Variants in COL24A1 observed in about 807,000 individuals in gnomAD.
COL24A1 encodes the protein collagen type XXIV alpha 1 chain.
A neutral mutation model predicts 253.9 loss-of-function variants in COL24A1; 224 were observed. The ratio of observed to expected loss-of-function variants is 0.88; its 90% confidence interval spans 0.79 to 0.99. COL24A1 has a LOEUF of 0.99. COL24A1 is among the 50% of genes least tolerant of loss of function. COL24A1 has a pLI of 0.00. For missense variants in COL24A1, 2,131 were observed against 2,068.5 expected (o/e 1.03, Z -0.59); for synonymous variants, 685 against 673.7 (o/e 1.02, Z -0.26).
intron 24 of COL24A1, among the ~76,000 whole-genome samples, chr1:85,916,719 A>AT: frequency 6.6e-6 from 1 of 152,290 alleles, no homozygotes; most frequent in Non-Finnish European, 1.5e-5. Flanking sequence ...TAACCAAAAC[A>AT]TATGTCAAAT....
At chr1:85,947,341 T>G (rs947853862) in intron 24 of COL24A1, among the ~76,000 whole-genome samples, 4 of 152,180 alleles carry the variant, frequency 2.6e-5, no homozygotes, top group African/African-American at 9.7e-5. Context: ...TGAACCCCCA[T>G]TTACAATCTA....
chr1:86,046,889 A>G lies in COL24A1; in HGVS notation c.1906-20T>C. 1 of 1,338,350 alleles carries G rather than the reference A, an allele frequency of 7.5e-7. No homozygotes were observed. 82.9% of individuals were successfully genotyped at this position (1,338,350 alleles called of 1,614,324 possible). On this transcript the variant is annotated intron_variant, in intron 11 of 59. Transcript: ENST00000370571. ...AATGCCCTAGAATATAGAAAAGAAAAAGGAAATATTTGTTGAATGAATGAA... is the reference window on the plus strand; with the variant it reads ...AATGCCCTAGAATATAGAAAAGAAAGAGGAAATATTTGTTGAATGAATGAA...
At chr1:85,899,059 T>TTTTAA (rs1305425763) in intron 28 of COL24A1, among the ~76,000 whole-genome samples, 3 of 152,138 alleles carry the variant, frequency 2.0e-5, no homozygotes, top group Non-Finnish European at 4.4e-5. Context: ...ATGACTCAAG[T>TTTTAA]TTTAAGCATG....
At chr1:85,866,460 T>C (rs1044397621) in intron 37 of COL24A1, among the ~76,000 whole-genome samples, 3 of 152,002 alleles carry the variant, frequency 2.0e-5, no homozygotes, top group African/African-American at 7.2e-5. Flanking sequence ...TTGTTTAATG[T>C]TTGGACTAAT....
intron 5 of COL24A1, among the ~76,000 whole-genome samples, chr1:86,104,803 C>G (rs186643893): frequency 6.6e-6 from 1 of 152,344 alleles, no homozygotes; most frequent in African/African-American, 2.4e-5. Flanking sequence ...ATGGGTAGTG[C>G]TAGCCAAAGT....
chr1:86,089,545 C>G (rs1703329891), intron 6 of COL24A1, among the ~76,000 whole-genome samples: 1 of 152,160 alleles, frequency 6.6e-6, no homozygotes. Context: ...TAGGGCTGGG[C>G]GCGGTGGCCC....
At chr1:86,062,802 T>C (rs1254445510) in intron 8 of COL24A1, among the ~76,000 whole-genome samples, 1 of 152,130 alleles carries the variant, frequency 6.6e-6, no homozygotes, top group Non-Finnish European at 1.5e-5. Flanking sequence ...CCATGTCTAG[T>C]AATTAGCAAT....
chr1:86,050,046 A>T, intron 11 of COL24A1, 78 bp downstream of exon 11: 1 of 1,247,564 alleles, frequency 8.0e-7, no homozygotes. Flanking sequence ...CTTCCCTGAC[A>T]TCTGATTTTA....
At chr1:86,046,800 C>A (rs1434801769) in intron 12 of COL24A1, 25 bp downstream of exon 12, 3 of 1,610,682 alleles carry the variant, frequency 1.9e-6, no homozygotes, top group African/African-American at 2.7e-5. Context: ...GTAAAATAAA[C>A]CTCAAAAAAC....
intron 5 of COL24A1, among the ~76,000 whole-genome samples, chr1:86,104,052 C>T (rs908255853): frequency 6.6e-6 from 1 of 152,148 alleles, no homozygotes; most frequent in African/African-American, 2.4e-5. Context: ...TTTACATGAT[C>T]CCCTATTTCT....
At chr1:85,841,027 A>G (rs1365613887) in intron 42 of COL24A1, among the ~76,000 whole-genome samples, 195 bp downstream of exon 42, 1 of 152,204 alleles carries the variant, frequency 6.6e-6, no homozygotes, top group East Asian at 1.9e-4. Context: ...ATGCTAAAAT[A>G]TGACCTGCAT....
chr1:86,096,798 ATTGT>A (rs759625743), intron 5 of COL24A1, among the ~76,000 whole-genome samples: 2 of 152,250 alleles, frequency 1.3e-5, no homozygotes, highest in Middle Eastern at 3.4e-3. Flanking sequence ...AACTTCTTTC[ATTGT>A]TTGGTCTTTT....
At chr1:85,978,486 A>G in intron 20 of COL24A1, among the ~76,000 whole-genome samples, 1 of 152,168 alleles carries the variant, frequency 6.6e-6, no homozygotes. Context: ...CTCACCTAAC[A>G]CATAAGGACT....
chr1:85,909,900 C>T, intron 26 of COL24A1, 50 bp downstream of exon 26: 1 of 1,481,280 alleles, frequency 6.8e-7, no homozygotes, highest in Non-Finnish European at 9.4e-7. Context: ...GAACGACTTG[C>T]TTTTATTGCA....
chr1:85,925,454 G>C (rs1214670641), intron 24 of COL24A1, among the ~76,000 whole-genome samples: 1 of 152,028 alleles, frequency 6.6e-6, no homozygotes, highest in East Asian at 1.9e-4. Context: ...AAAACAGCAT[G>C]GTACTGTTAC....
chr1:85,837,118 G>A (rs558161455), intron 43 of COL24A1, among the ~76,000 whole-genome samples: 4 of 152,118 alleles, frequency 2.6e-5, no homozygotes, highest in Admixed American at 6.5e-5. Context: ...GGAAGCAGTT[G>A]GGTTGGCTTC....
At chr1:85,943,003 G>T (rs1688894579) in intron 24 of COL24A1, among the ~76,000 whole-genome samples, 1 of 152,170 alleles carries the variant, frequency 6.6e-6, no homozygotes, top group Non-Finnish European at 1.5e-5. Context: ...ATGTAACCCT[G>T]AGTGGACTAC....
chr1:85,763,152 C>T (rs1193310601), intron 53 of COL24A1, among the ~76,000 whole-genome samples: 1 of 152,120 alleles, frequency 6.6e-6, no homozygotes, highest in Non-Finnish European at 1.5e-5. Context: ...CATGGTGGCT[C>T]ACACCTGTAA....
intron 32 of COL24A1, among the ~76,000 whole-genome samples, chr1:85,880,890 C>T (rs1432466040): frequency 6.6e-6 from 1 of 152,104 alleles, no homozygotes; most frequent in Non-Finnish European, 1.5e-5. Flanking sequence ...GGTTATGATG[C>T]ATAATTCTGT....
Sources: allele counts gnomAD v4.1 joint callset (sites outside exome capture counted in the v4.1 genomes callset), GRCh38; gene constraint gnomAD v4.1.1; transcripts MANE v1.5; gene names NCBI Gene and HGNC (gene_info 2026-07-23, HGNC 2026-07-21).